The following PLEKHG1 variants were observed in gnomAD, a reference collection of about 807,000 sequenced individuals.
PLEKHG1 encodes the protein pleckstrin homology domain-containing family G member 1.
A neutral mutation model predicts 100.8 loss-of-function variants in PLEKHG1; 44 were observed. That is an observed-to-expected ratio of 0.44 (90% confidence interval 0.34 to 0.56). PLEKHG1 has a LOEUF of 0.56. Among genes scored for constraint, PLEKHG1 ranks in the 20% least tolerant of loss-of-function variants. The pLI is 0.01. For synonymous variants in PLEKHG1, 640 were observed against 662.5 expected, an observed-to-expected ratio of 0.97 and a Z score of 0.52; for missense variants, 1,545 against 1,720.9, an observed-to-expected ratio of 0.90 and a Z score of 1.81.
intron 10 of PLEKHG1, among the ~76,000 whole-genome samples, 157 bp downstream of exon 11, chr6:150,809,891 C>CAAA (rs201618525): frequency 0.28 from 37,338 of 135,368 alleles, 5,003 homozygotes; most frequent in Non-Finnish European, 0.31. Flanking sequence ...GAGACTGGGT[C>CAAA]AAAAAAAAAA....
rs1295744906 is a variant in PLEKHG1, at chr6:150,637,912, CT to C, written c.-203-167del. Among the ~76,000 whole-genome samples the C allele has an allele frequency of 5.3e-5, 8 of 152,236 alleles. No individual in the cohort carries two copies. In the South Asian group the frequency reaches 1.7e-3, roughly 32 times the overall value. ...AAAGCGATTCTTTATTATTTTCCTT[CT>C]CTTTGTTTTTTATTGTATGTATTAG... is the stretch of plus-strand genomic sequence containing the variant. On this transcript the variant is annotated intron_variant, in intron 1 of 3. Transcript: ENST00000367326.
chr6:150,664,191 G>C (rs61433552), intron 3 of PLEKHG1: 1 of 152,136 alleles, frequency 6.6e-6, no homozygotes, highest in African/African-American at 2.4e-5. Context: ...GGAATAAGAG[G>C]TTCCCTTGTC....
intron 3 of PLEKHG1, among the ~76,000 whole-genome samples, chr6:150,675,260 A>G (rs1019302360): frequency 2.0e-5 from 3 of 152,100 alleles, no homozygotes; most frequent in African/African-American, 4.8e-5. Context: ...CACACCATTT[A>G]TTAATCTGCA....
chr6:150,794,358 G>C (rs1003326463), intron 4 of PLEKHG1, among the ~76,000 whole-genome samples: 7 of 152,092 alleles, frequency 4.6e-5, no homozygotes, highest in African/African-American at 1.7e-4. Context: ...TGTAACAATG[G>C]TATTATGTTT....
intron 2 of PLEKHG1, among the ~76,000 whole-genome samples, chr6:150,641,876 C>CAAAAAAAAAAAAAAAAAAAAAA (rs71554473): frequency 1.3e-5 from 1 of 76,798 alleles, no homozygotes; most frequent in Admixed American, 2.2e-4. Flanking sequence ...TGTGAAAAGG[C>CAAAAAAAAAAAAAAAAAAAAAA]AAAAAAAAAA....
At chr6:150,718,725 C>T, upstream of PLEKHG1, among the ~76,000 whole-genome samples, 1 of 152,116 alleles carries the variant, frequency 6.6e-6, no homozygotes, top group East Asian at 1.9e-4. Flanking sequence ...GCCTTGGCTT[C>T]CCAAAGTGCT....
chr6:150,607,091 C>T lies in PLEKHG1; in HGVS notation c.-204+7074C>T, dbSNP rs549550197. Among the ~76,000 whole-genome samples, 10 of 152,196 alleles carry T rather than the reference C, an allele frequency of 6.6e-5. No homozygotes were observed. In the East Asian group the frequency reaches 1.2e-3, roughly 18 times the overall value. On this transcript the variant is annotated intron_variant, in intron 1 of 3. Coordinates refer to the PLEKHG1 transcript ENST00000367326. Reference sequence around the variant, plus strand: ...CTTGTGTTTTAAGAATTCTTCAGAACGGACACCAACTCTGGCTGAAATTGG... The same window carrying T: ...CTTGTGTTTTAAGAATTCTTCAGAATGGACACCAACTCTGGCTGAAATTGG...
intron 1 of PLEKHG1, among the ~76,000 whole-genome samples, chr6:150,626,388 C>T (rs12527099): frequency 0.13 from 19,552 of 152,158 alleles, 1,363 homozygotes; most frequent in East Asian, 0.24. Flanking sequence ...GGAGAACTCG[C>T]CATGCTGACC....
intron 2 of PLEKHG1, among the ~76,000 whole-genome samples, chr6:150,746,824 G>GT (rs1185972477): frequency 1.3e-5 from 2 of 152,228 alleles, no homozygotes; most frequent in African/African-American, 4.8e-5. Flanking sequence ...GACAGACAGT[G>GT]TAATGGGAGG....
chr6:150,788,437 CAG>C (rs2128654070), intron 4 of PLEKHG1, among the ~76,000 whole-genome samples: 1 of 152,322 alleles, frequency 6.6e-6, no homozygotes, highest in African/African-American at 2.4e-5. Flanking sequence ...GGGGCCTGCA[CAG>C]AGATTCATCT....
At chr6:150,765,916 G>A (rs978032265) in intron 2 of PLEKHG1, among the ~76,000 whole-genome samples, 117 of 152,304 alleles carry the variant, frequency 7.7e-4, no homozygotes, top group African/African-American at 2.7e-3. Flanking sequence ...CAAACAGTTT[G>A]CAAATTGGCT....
chr6:150,649,687 G>A (rs1396558126), intron 2 of PLEKHG1, among the ~76,000 whole-genome samples: 1 of 151,500 alleles, frequency 6.6e-6, no homozygotes, highest in Non-Finnish European at 1.5e-5. Context: ...GACCAGCCTG[G>A]CCAACATGGT....
chr6:150,643,257 G>A (rs577734104), intron 2 of PLEKHG1, among the ~76,000 whole-genome samples: 2 of 152,174 alleles, frequency 1.3e-5, no homozygotes, highest in African/African-American at 2.4e-5. Context: ...AAAATTTGGT[G>A]TTGAGTTCTT....
chr6:150,809,847 C>T (rs138569438), intron 10 of PLEKHG1, 113 bp downstream of exon 11: 11,340 of 645,478 alleles, frequency 0.018, 152 homozygotes, highest in Non-Finnish European at 0.022. Flanking sequence ...CCAGACTGGG[C>T]GACAGAGTGA....
intron 3 of PLEKHG1, among the ~76,000 whole-genome samples, chr6:150,674,624 C>G (rs1779677468): frequency 8.3e-6 from 1 of 121,144 alleles, no homozygotes; most frequent in Non-Finnish European, 1.8e-5. Flanking sequence ...AACTTTCTCT[C>G]TCTCCTCCCT....
intron 3 of PLEKHG1, among the ~76,000 whole-genome samples, chr6:150,659,052 C>A (rs1207387736): frequency 6.6e-6 from 1 of 152,184 alleles, no homozygotes; most frequent in Non-Finnish European, 1.5e-5. Context: ...CCAACTGCAA[C>A]CCCAAGCCCA....
upstream of PLEKHG1, among the ~76,000 whole-genome samples, chr6:150,716,398 CTAAGAT>C (rs1393693849): frequency 1.3e-5 from 2 of 152,192 alleles, no homozygotes; most frequent in Admixed American, 1.3e-4. Context: ...ATATGAAAGT[CTAAGAT>C]TATTTTCTAA....
chr6:150,771,690 A>G (rs1784722337), intron 3 of PLEKHG1, among the ~76,000 whole-genome samples: 1 of 152,016 alleles, frequency 6.6e-6, no homozygotes, highest in South Asian at 2.1e-4. Context: ...CCTATCTGGC[A>G]AATCTGTGGT....
intron 3 of PLEKHG1, among the ~76,000 whole-genome samples, chr6:150,780,477 T>C (rs539567123): frequency 6.6e-6 from 1 of 152,300 alleles, no homozygotes; most frequent in Non-Finnish European, 1.5e-5. Flanking sequence ...CAGAATGATG[T>C]GATTTCGACT....
Sources: allele counts gnomAD v4.1 joint callset (sites outside exome capture counted in the v4.1 genomes callset), GRCh38; gene constraint gnomAD v4.1.1; transcripts MANE v1.5; gene names NCBI Gene and HGNC (gene_info 2026-07-23, HGNC 2026-07-21).